The following PTPRN2 variants were observed in gnomAD, a reference collection of about 807,000 sequenced individuals.
PTPRN2 encodes receptor-type tyrosine-protein phosphatase N2.
A neutral mutation model predicts 118.8 loss-of-function variants in PTPRN2; 74 were observed. That is an observed-to-expected ratio of 0.62 (90% CI 0.52 to 0.76). The LOEUF (loss-of-function observed/expected upper bound fraction) is 0.76, where lower values mean the gene tolerates loss of function less well. Ranked by LOEUF, PTPRN2 falls within the 30% of genes least tolerant of loss-of-function variation. The pLI, the probability that PTPRN2 is intolerant of heterozygous loss-of-function variation, is 0.00. For synonymous variants in PTPRN2, 641 were observed against 608.0 expected, an observed-to-expected ratio of 1.05 and a Z score of -0.80; for missense variants, 1,481 against 1,394.4, an observed-to-expected ratio of 1.06 and a Z score of -0.99.
intron 12 of PTPRN2, among the ~76,000 whole-genome samples, chr7:157,876,417 T>C (rs907349381): frequency 1.3e-5 from 2 of 152,216 alleles, no homozygotes; most frequent in Admixed American, 6.5e-5. Flanking sequence ...TGGGTGGCTG[T>C]GTCTAAAGCC....
chr7:157,981,703 T>C (rs1404698451), intron 11 of PTPRN2, among the ~76,000 whole-genome samples: 1 of 152,230 alleles, frequency 6.6e-6, no homozygotes, highest in African/African-American at 2.4e-5. Flanking sequence ...TTTCATAAAA[T>C]AAGGTTTGAT....
chr7:158,429,263 C>T (rs2129428032), intron 2 of PTPRN2, among the ~76,000 whole-genome samples: 1 of 152,326 alleles, frequency 6.6e-6, no homozygotes, highest in Middle Eastern at 3.4e-3. Context: ...GCAGGAGCTC[C>T]CCCACATCTC....
intron 11 of PTPRN2, among the ~76,000 whole-genome samples, chr7:158,063,073 A>G (rs1401781354): frequency 6.6e-6 from 1 of 152,230 alleles, no homozygotes; most frequent in Non-Finnish European, 1.5e-5. Context: ...ATCTCTAGCT[A>G]AGGGGTTGTA....
At chr7:157,540,874 C>A in intron 22 of PTPRN2, 89 bp from the exon 23 acceptor site, 2 of 1,089,992 alleles carry the variant, frequency 1.8e-6, no homozygotes, top group Non-Finnish European at 2.7e-6. Flanking sequence ...ATGAAAGCGG[C>A]GTCCCCCCTT....
At position 157,760,053 on chromosome 7, in the gene PTPRN2, G is replaced by A. The variant is rs116693036; in HGVS notation, c.1789-77116C>T. 4.2e-3 allele frequency among the ~76,000 whole-genome samples: 638 copies of A among 152,330 alleles called. 4 individuals carry two copies. Among genetic ancestry groups the A allele is most frequent in the African/African-American group, 0.015 (618 of 41,574 alleles). On this transcript the variant is annotated intron_variant, in intron 12 of 22. Coordinates refer to ENST00000389418, the MANE Select transcript of PTPRN2 (RefSeq NM_002847.5). The stretch of plus-strand genomic sequence containing the variant: ...CCAGCCTTCCCTGTTCACAGAGGGT[G>A]CTGCAGGCCGCCAGGGTGCTGTCCC...
chr7:157,745,850 G>A (rs1227901907), intron 12 of PTPRN2, among the ~76,000 whole-genome samples: 1 of 152,112 alleles, frequency 6.6e-6, no homozygotes. Flanking sequence ...CCATCACAAA[G>A]CTCCTTCTCT....
chr7:158,390,726 C>T (rs1055272317), intron 2 of PTPRN2, among the ~76,000 whole-genome samples: 5 of 152,234 alleles, frequency 3.3e-5, no homozygotes, highest in South Asian at 2.1e-4. Flanking sequence ...GCGCACTTTG[C>T]GGGAGAGCTG....
At chr7:158,326,828 CAT>C (rs1803599878) in intron 2 of PTPRN2, among the ~76,000 whole-genome samples, 1 of 23,376 alleles carries the variant, frequency 4.3e-5, no homozygotes, top group Non-Finnish European at 9.3e-5. Context: ...CATCCTCACA[CAT>C]GCTCTCACAT....
intron 11 of PTPRN2, among the ~76,000 whole-genome samples, chr7:157,941,534 T>A (rs4999410): frequency 0.39 from 58,514 of 151,356 alleles, 13,588 homozygotes; most frequent in East Asian, 0.63. Flanking sequence ...CAAGCGATTC[T>A]TCAGTAGACC....
intron 2 of PTPRN2, among the ~76,000 whole-genome samples, chr7:158,320,550 G>A (rs2335553): frequency 7.6e-4 from 41 of 53,622 alleles, no homozygotes; most frequent in African/African-American, 2.7e-3. Flanking sequence ...CCGCGTCCTC[G>A]GCAGCGCCGG....
chr7:157,719,302 A>G (rs1044939206), intron 12 of PTPRN2, among the ~76,000 whole-genome samples: 2 of 152,190 alleles, frequency 1.3e-5, no homozygotes, highest in African/African-American at 4.8e-5. Context: ...TTCTCGACCC[A>G]TTAAAGGGGG....
chr7:158,438,135 T>A lies in PTPRN2; in HGVS notation c.163+51600A>T, dbSNP rs560621972. Among the ~76,000 whole-genome samples the A allele has an allele frequency of 4.6e-5, 7 of 152,280 alleles. No homozygotes were observed. Among genetic ancestry groups the A allele is most frequent in the Admixed American group, 2.0e-4 (3 of 15,298 alleles). ...GCTCACACCTGTCATCCCAGCACTT[T>A]GGGAGGCTGAGGTGGGCGGATCACC... On this transcript the variant is annotated intron_variant, in intron 2 of 22. Coordinates refer to ENST00000389418, the MANE Select transcript of PTPRN2 (RefSeq NM_002847.5). The surrounding 1 kb of genome is among the most constrained non-coding windows in gnomAD (Gnocchi z 4.7).
chr7:157,658,649 CCT>C (rs1795724624), intron 13 of PTPRN2, among the ~76,000 whole-genome samples: 1 of 152,244 alleles, frequency 6.6e-6, no homozygotes, highest in East Asian at 1.9e-4. Flanking sequence ...TGGGTGCCCC[CCT>C]GACGTCTGAC....
intron 3 of PTPRN2, among the ~76,000 whole-genome samples, chr7:158,313,010 G>A (rs1299357755): frequency 6.6e-6 from 1 of 151,902 alleles, no homozygotes; most frequent in Non-Finnish European, 1.5e-5. Context: ...GTGTGCAGGT[G>A]TGTGCGTGTG....
At chr7:157,581,479 AAC>A (rs1468570183) in intron 17 of PTPRN2, among the ~76,000 whole-genome samples, 1 of 152,198 alleles carries the variant, frequency 6.6e-6, no homozygotes, top group African/African-American at 2.4e-5. Context: ...GAGACCACCA[AAC>A]ACAGGGGTTA....
chr7:157,830,843 G>A (rs2151160110), intron 12 of PTPRN2, among the ~76,000 whole-genome samples: 1 of 152,356 alleles, frequency 6.6e-6, no homozygotes, highest in South Asian at 2.1e-4. Context: ...GCAAGCTATT[G>A]GGACAACGGG....
intron 2 of PTPRN2, among the ~76,000 whole-genome samples, chr7:158,331,182 T>A (rs71545592): frequency 7.8e-3 from 96 of 12,340 alleles, no homozygotes; most frequent in East Asian, 0.015. Context: ...AGAAGAGCTG[T>A]CACACGCAGA....
chr7:157,989,513 G>A (rs1804079278), intron 11 of PTPRN2, among the ~76,000 whole-genome samples: 1 of 117,118 alleles, frequency 8.5e-6, no homozygotes, highest in Non-Finnish European at 1.8e-5. Flanking sequence ...GCGGAGTCTT[G>A]TGGGGGGCAC....
chr7:158,095,200 C>T (rs901645900), intron 10 of PTPRN2, among the ~76,000 whole-genome samples: 1 of 151,470 alleles, frequency 6.6e-6, no homozygotes, highest in African/African-American at 2.4e-5. Flanking sequence ...TGGAGAGACA[C>T]ATTCGGAAGA....
Sources: gnomAD v4.1 joint callset for allele counts (sites outside exome capture counted in the v4.1 genomes callset) on GRCh38, gnomAD v4.1.1 for gene constraint, Gnocchi (gnomAD v3.1) non-coding constraint, MANE v1.5 for transcripts, NCBI Gene and HGNC (gene_info 2026-07-23, HGNC 2026-07-21) for gene names.